CENPH: variants seen among roughly 807,000 people sequenced by gnomAD.
CENPH encodes the protein CENP-H.
CENPH carries 40 observed loss-of-function variants against 42.9 expected under a neutral mutation model. The observed-to-expected ratio is 0.93, with a 90% confidence interval of 0.72 to 1.21. The LOEUF (loss-of-function observed/expected upper bound fraction) is 1.21. Among genes scored for constraint, CENPH ranks in the 50% most tolerant of loss-of-function variants. The pLI, the probability that CENPH is intolerant of heterozygous loss-of-function variation, is 0.00. For missense variants in CENPH, 302 were observed against 292.9 expected (o/e 1.03, Z -0.23); for synonymous variants, 88 against 96.5 (o/e 0.91, Z 0.52).
At chr5:69,196,248 T>C (rs1747962281) in intron 4 of CENPH, among the ~76,000 whole-genome samples, 1 of 152,092 alleles carries the variant, frequency 6.6e-6, no homozygotes, top group South Asian at 2.1e-4. Flanking sequence ...TTTTGAGCCC[T>C]GAGAGAAAAT....
chr5:69,209,648 A>T, intron 8 of CENPH, 59 bp from the exon 9 acceptor site: 1 of 783,564 alleles, frequency 1.3e-6, no homozygotes, highest in Non-Finnish European at 2.1e-6. Context: ...ATGATATTCT[A>T]AAATCTTGTT....
chr5:69,198,921 G>C (rs1375507545), intron 5 of CENPH, among the ~76,000 whole-genome samples: 1 of 150,186 alleles, frequency 6.7e-6, no homozygotes, highest in Non-Finnish European at 1.5e-5. Flanking sequence ...CCTTAGCCTG[G>C]GCAATAGTAA....
intron 2 of CENPH, among the ~76,000 whole-genome samples, chr5:69,194,246 C>G (rs1045330434): frequency 2.6e-5 from 4 of 151,952 alleles, no homozygotes; most frequent in Non-Finnish European, 4.4e-5. Flanking sequence ...GCAACCCCAA[C>G]CTCGTGGGCT....
chr5:69,195,695 T>G, intron 3 of CENPH, 22 bp from the exon 4 acceptor site: 1 of 1,383,548 alleles, frequency 7.2e-7, no homozygotes, highest in Non-Finnish European at 1.0e-6. Context: ...CTGAAATTCT[T>G]TTGCTCATGT....
intron 5 of CENPH, among the ~76,000 whole-genome samples, chr5:69,200,742 T>TTTTTTTTTTTTTTTTTTTTTTTTTTC (rs1748046170): frequency 1.1e-5 from 1 of 91,440 alleles, no homozygotes; most frequent in Non-Finnish European, 2.1e-5. Context: ...TTTTTTTTTT[T>TTTTTTTTTTTTTTTTTTTTTTTTTTC]TTTTTTTTTT....
Position 69,189,860 on chromosome 5 carries a change from G to T in CENPH, c.134+92G>T. 6 of 1,338,452 alleles carry T rather than the reference G, an allele frequency of 4.5e-6. No individual in the cohort carries two copies. The Admixed American group carries it at 1.5e-4, about 35-fold the overall frequency. 82.9% of individuals were successfully genotyped at this position (1,338,452 alleles called of 1,614,324 possible). A position where few individuals can be genotyped will look rare whatever the true frequency, so the allele number is the denominator to read the frequency against. On this transcript the variant is annotated intron_variant, in intron 1 of 8. Transcript: ENST00000283006. ...CAGAAGGGCTAGGGTTCGAATTCAC[G>T]CTCGGTCACGTCAGGTCTCCGTGAT...
At chr5:69,190,883 T>C (rs1747858859) in intron 1 of CENPH, among the ~76,000 whole-genome samples, 1 of 151,858 alleles carries the variant, frequency 6.6e-6, no homozygotes, top group Admixed American at 6.6e-5. Context: ...AGAGCAAGAC[T>C]CTTGACTCAA....
At chr5:69,194,552 A>T in intron 2 of CENPH, 95 bp from the exon 3 acceptor site, 2 of 646,798 alleles carry the variant, frequency 3.1e-6, no homozygotes, top group Non-Finnish European at 5.4e-6. Context: ...ACGACATTTT[A>T]AATGATGTCT....
chr5:69,197,808 TA>T (rs1747988308), intron 5 of CENPH, among the ~76,000 whole-genome samples: 1 of 129,618 alleles, frequency 7.7e-6, no homozygotes, highest in Non-Finnish European at 1.6e-5. Context: ...ATAATAATAA[TA>T]AAATTTTTTA....
intron 5 of CENPH, among the ~76,000 whole-genome samples, chr5:69,198,512 C>T (rs1748005233): frequency 6.6e-6 from 1 of 152,060 alleles, no homozygotes; most frequent in Non-Finnish European, 1.5e-5. Context: ...CTGGTCTGAC[C>T]TAGGCACTTC....
chr5:69,206,503 A>G (rs1027249469), intron 7 of CENPH, among the ~76,000 whole-genome samples: 2 of 128,686 alleles, frequency 1.6e-5, no homozygotes, highest in Admixed American at 1.6e-4. Flanking sequence ...GTTTGTTTTT[A>G]TTGAGATGGA....
intron 5 of CENPH, among the ~76,000 whole-genome samples, chr5:69,201,477 T>C (rs1748058275): frequency 6.6e-6 from 1 of 152,210 alleles, no homozygotes; most frequent in South Asian, 2.1e-4. Flanking sequence ...AAAATATTTG[T>C]TAAAGAAGTA....
In CENPH at chr5:69,190,814, C is replaced by T. The variant is rs767274009; in HGVS notation, c.135-981C>T. On this transcript the variant is annotated intron_variant, in intron 1 of 8. Transcript: ENST00000283006. ...CTGAGGCAAGAGAATTGATTGAACCCGGGAGGCAGAGGTTGCAGTGAGCAG... is the reference window on the plus strand; with the variant it reads ...CTGAGGCAAGAGAATTGATTGAACCTGGGAGGCAGAGGTTGCAGTGAGCAG... Among the ~76,000 whole-genome samples, 6 of 151,862 alleles carry T rather than the reference C, an allele frequency of 4.0e-5. No homozygotes were observed. The East Asian group carries it at 5.8e-4, about 15-fold the overall frequency.
intron 5 of CENPH, among the ~76,000 whole-genome samples, chr5:69,197,734 A>G (rs1038500824): frequency 4.6e-5 from 7 of 152,004 alleles, no homozygotes; most frequent in South Asian, 4.1e-4. Context: ...GCACACCAAC[A>G]TGGCACATGT....
At chr5:69,192,340 A>G (rs2112080641) in intron 2 of CENPH, among the ~76,000 whole-genome samples, 1 of 152,292 alleles carries the variant, frequency 6.6e-6, no homozygotes, top group East Asian at 1.9e-4. Context: ...ATGAGAAGAA[A>G]GTTTACGTTC....
At chr5:69,203,555 G>A (rs553389168) in intron 7 of CENPH, among the ~76,000 whole-genome samples, 1 of 152,146 alleles carries the variant, frequency 6.6e-6, no homozygotes, top group African/African-American at 2.4e-5. Flanking sequence ...TTTTAGTAGA[G>A]ATGGGATTTC....
chr5:69,197,940 T>G (rs1168176523), intron 5 of CENPH, among the ~76,000 whole-genome samples: 2 of 86,778 alleles, frequency 2.3e-5, no homozygotes, highest in South Asian at 4.5e-4. Flanking sequence ...TTTTTTTTTT[T>G]GAGACAGTCT....
Position 69,189,783 on chromosome 5 carries a change from C to A in CENPH, c.134+15C>A, listed in dbSNP as rs1463700410. On this transcript the variant is annotated intron_variant, in intron 1 of 8. Coordinates refer to ENST00000283006, the MANE Select transcript of CENPH (RefSeq NM_022909.4). ...CTGCTCCTCAGGTTGTTCCCTTTGGCCTCCTCAGCCGGGGCCAAGTGGGCG... is the reference window on the plus strand; with the variant it reads ...CTGCTCCTCAGGTTGTTCCCTTTGGACTCCTCAGCCGGGGCCAAGTGGGCG... 1.4e-6 allele frequency: 2 copies of A among 1,447,652 alleles called. No homozygotes were observed. The highest frequency in any genetic ancestry group is 9.1e-7 in the Non-Finnish European group (1 of 1,102,348). 89.7% of individuals were successfully genotyped at this position (1,447,652 alleles called of 1,614,324 possible).
intron 7 of CENPH, among the ~76,000 whole-genome samples, chr5:69,207,037 C>T (rs149111446): frequency 2.6e-5 from 4 of 152,194 alleles, no homozygotes; most frequent in Non-Finnish European, 4.4e-5. Context: ...TTCATTTTCT[C>T]CACTGCATTC....
Sources: allele counts gnomAD v4.1 joint callset (sites outside exome capture counted in the v4.1 genomes callset), GRCh38; gene constraint gnomAD v4.1.1; transcripts MANE v1.5; gene names NCBI Gene and HGNC (gene_info 2026-07-23, HGNC 2026-07-21).